The following NBEAL1 variants were observed in gnomAD, a reference collection of about 807,000 sequenced individuals.
The protein encoded by NBEAL1 is neurobeachin-like protein 1.
Under a neutral mutation model 351.3 loss-of-function variants are expected in NBEAL1, and 273 were observed. The observed-to-expected ratio is 0.78, with a 90% CI of 0.70 to 0.86. The LOEUF (loss-of-function observed/expected upper bound fraction) is 0.86. Ranked by LOEUF, NBEAL1 falls within the 40% of genes least tolerant of loss-of-function variation. The pLI is 0.00. For missense variants in NBEAL1, 2,961 were observed against 3,201.3 expected (o/e 0.92, Z 1.81); for synonymous variants, 1,050 against 1,086.4 (o/e 0.97, Z 0.66).
intron 8 of NBEAL1, among the ~76,000 whole-genome samples, chr2:203,081,730 A>C (rs1017450967): frequency 6.6e-6 from 1 of 152,192 alleles, no homozygotes; most frequent in Non-Finnish European, 1.5e-5. Flanking sequence ...AGTTCTGGCC[A>C]TTATGTTCAC....
At chr2:203,107,395 G>A in intron 12 of NBEAL1, 25 bp from the exon 13 acceptor site, 1 of 1,183,782 alleles carries the variant, frequency 8.4e-7, no homozygotes, top group Non-Finnish European at 1.2e-6. Context: ...AATGTACTTT[G>A]ATATATTGTC....
At chr2:203,149,546 A>G (rs2063597734) in intron 34 of NBEAL1, among the ~76,000 whole-genome samples, 1 of 152,020 alleles carries the variant, frequency 6.6e-6, no homozygotes, top group African/African-American at 2.4e-5. Flanking sequence ...TTTTTTTTAT[A>G]CAGCCCTTTT....
chr2:203,175,723 G>A (rs997495972), intron 42 of NBEAL1, among the ~76,000 whole-genome samples: 14 of 152,078 alleles, frequency 9.2e-5, no homozygotes, highest in African/African-American at 3.1e-4. Flanking sequence ...TTACACTGTG[G>A]GTATTATAAC....
intron 29 of NBEAL1, among the ~76,000 whole-genome samples, chr2:203,137,283 AT>A (rs954840021): frequency 2.6e-5 from 4 of 152,138 alleles, no homozygotes; most frequent in African/African-American, 2.4e-5. Flanking sequence ...TTTTTTTGTG[AT>A]TTTTTTAAGC....
Position 203,083,294 on chromosome 2 carries a change from G to A in NBEAL1, c.760G>A (p.Glu254Lys), listed in dbSNP as rs2061904889. 1 of 1,552,824 alleles carries A rather than the reference G, an allele frequency of 6.4e-7. No homozygotes were observed. Among genetic ancestry groups the A allele is most frequent in the Admixed American group, 2.0e-5 (1 of 50,974 alleles). The stretch of plus-strand genomic sequence containing the variant: ...AGTATTGGCAGATTGTGATTCCTGG[G>A]AGGATGGAGATCCTGAAGAAGTGGG... ...MRVLADCDSW[E>K]DGDPEEVGRK... The change falls in exon 9 of 56, where the codon GAG becomes AAG. Residue 254 changes from glutamate (E) to lysine (K), a missense_variant. Physicochemically the swap from Glu to Lys is moderately conservative, Grantham distance 56. Coordinates refer to ENST00000683969, the MANE Select transcript of NBEAL1 (RefSeq NM_001378026.1).
intron 6 of NBEAL1, chr2:203,061,356 T>G (rs1056131409): frequency 6.6e-6 from 1 of 152,276 alleles, no homozygotes; most frequent in African/African-American, 2.4e-5. Context: ...CTAATAGAAC[T>G]AGAACATCTG....
In NBEAL1 at chr2:203,097,603, C is replaced by T. The variant is rs2062210351; in HGVS notation, c.1155C>T (p.Asn385=). ...ACAAGAACGAGAAAGACCTTGCCAACAAATTACTGACAGAAATGAATGAGG... is the reference window on the plus strand; with the variant it reads ...ACAAGAACGAGAAAGACCTTGCCAATAAATTACTGACAGAAATGAATGAGG... The part of the protein sequence containing the change: ...VADKNEKDLA[N]KLLTEMNEDQ... Residue 385 remains asparagine, a synonymous_variant, in exon 11 of 56, where the codon AAC becomes AAT. Transcript: ENST00000683969. The T allele has an allele frequency of 1.0e-6, 1 of 985,682 alleles. No homozygotes were observed. Among genetic ancestry groups the T allele is most frequent in the South Asian group, 4.7e-5 (1 of 21,278 alleles). The allele number at this position is 985,682 out of a possible 1,614,324, so 61.1% of individuals were successfully genotyped here.
rs762981299 is a variant in NBEAL1, at chr2:203,201,671, CACTT to C, written c.7370_7373del (p.Leu2457GlnfsTer16). The C allele has an allele frequency of 6.2e-7, 1 of 1,608,834 alleles. No homozygotes were observed. Among genetic ancestry groups the C allele is most frequent in the Non-Finnish European group, 8.5e-7 (1 of 1,177,154 alleles). On this transcript the variant is annotated frameshift_variant, in exon 50 of 56. Coordinates refer to ENST00000683969, the MANE Select transcript of NBEAL1 (RefSeq NM_001378026.1). LOFTEE classifies it high-confidence loss of function. ...TGGGATAATAGCATTCAAGTGATGTCACTTACAAAAGGCAAAATTATCTCACACA... is the reference window on the plus strand; with the variant it reads ...TGGGATAATAGCATTCAAGTGATGTCACAAAAGGCAAAATTATCTCACACA...
At chr2:203,106,360 A>C (rs1461540676) in intron 12 of NBEAL1, among the ~76,000 whole-genome samples, 1 of 152,216 alleles carries the variant, frequency 6.6e-6, no homozygotes, top group Non-Finnish European at 1.5e-5. Context: ...GGTTTGTGTT[A>C]GGAGACTCTA....
chr2:203,070,826 G>A (rs561742068), intron 7 of NBEAL1, among the ~76,000 whole-genome samples: 1 of 152,278 alleles, frequency 6.6e-6, no homozygotes, highest in East Asian at 1.9e-4. Flanking sequence ...CCGCCCCTAT[G>A]ATCCAGTCAT....
In NBEAL1 at chr2:203,113,007, G is replaced by A. The variant is rs1482006599; in HGVS notation, c.2203-8G>A. 2 of 1,432,780 alleles carry A rather than the reference G, an allele frequency of 1.4e-6. No homozygotes were observed. The highest frequency in any genetic ancestry group is 6.1e-5 in the Admixed American group (2 of 32,676). 88.8% of individuals were successfully genotyped at this position (1,432,780 alleles called of 1,614,324 possible). On this transcript the variant is annotated splice_polypyrimidine_tract_variant and splice_region_variant and intron_variant, in intron 16 of 55. Coordinates refer to ENST00000683969, the MANE Select transcript of NBEAL1 (RefSeq NM_001378026.1). ...TTAAAATTGTGTAATTTGTTTGTTTGTTTTTAGCCCTTTACTTCCTGTTGC... is the reference window on the plus strand; with the variant it reads ...TTAAAATTGTGTAATTTGTTTGTTTATTTTTAGCCCTTTACTTCCTGTTGC...
chr2:203,103,583 T>C (rs925054209), intron 12 of NBEAL1, among the ~76,000 whole-genome samples: 9 of 152,178 alleles, frequency 5.9e-5, no homozygotes, highest in Admixed American at 5.9e-4. Context: ...ATCTTTCGTA[T>C]GGTTTTTGAT....
intron 25 of NBEAL1, among the ~76,000 whole-genome samples, 188 bp from the exon 26 acceptor site, chr2:203,131,780 ATAAGT>A (rs902913908): frequency 6.6e-6 from 1 of 152,214 alleles, no homozygotes; most frequent in Non-Finnish European, 1.5e-5. Context: ...GTTTTATTCT[ATAAGT>A]TAATAGCATT....
At chr2:203,153,583 T>G (rs943569215) in intron 35 of NBEAL1, among the ~76,000 whole-genome samples, 15 of 152,150 alleles carry the variant, frequency 9.9e-5, no homozygotes, top group Admixed American at 5.9e-4. Context: ...TTTCCTTAAT[T>G]CAAAATAATG....
At chr2:203,127,668 G>T in intron 23 of NBEAL1, 113 bp from the exon 24 acceptor site, 1 of 565,188 alleles carries the variant, frequency 1.8e-6, no homozygotes, top group Middle Eastern at 5.6e-4. Flanking sequence ...GTTGCAGTGA[G>T]CCAAGATTGT....
rs1293605348 is a variant in NBEAL1, at chr2:203,125,510, A to G, written c.2841A>G (p.Thr947=). 4.0e-6 allele frequency: 6 copies of G among 1,494,348 alleles called. No individual in the cohort carries two copies. The highest frequency in any genetic ancestry group is 4.5e-6 in the Non-Finnish European group (5 of 1,123,186). The allele number at this position is 1,494,348 out of a possible 1,614,324, so 92.6% of individuals were successfully genotyped here. ...VEGDWLVWTS[T]KASESRLERN... is the part of the protein sequence containing the mutation. Reference sequence around the variant, plus strand: ...GAGATTGGCTCGTATGGACTTCCACAAAGGCCTCAGGTATTAAGATGAAAT... The same window carrying G: ...GAGATTGGCTCGTATGGACTTCCACGAAGGCCTCAGGTATTAAGATGAAAT... Residue 947 remains threonine (T), a synonymous_variant, in exon 20 of 56, where the codon ACA becomes ACG. Coordinates refer to ENST00000683969, the MANE Select transcript of NBEAL1 (RefSeq NM_001378026.1).
rs1167839818 is a variant in NBEAL1 at position 203,151,471 on chromosome 2, G to A, written c.5469G>A (p.Gln1823=). Residue 1823 remains glutamine (Q), a synonymous_variant, in exon 35 of 56, where the codon CAG becomes CAA. Transcript: ENST00000683969. ...TGCTTATGAATATTCTTAGGAAACA[G>A]AATCCAATTCACTGGAAGCTAGCTA... ...CERGPWAKRK[Q]NPIHWKLANV... 3.2e-6 allele frequency: 5 copies of A among 1,587,102 alleles called. No homozygotes were observed. The highest frequency in any genetic ancestry group is 4.3e-6 in the Non-Finnish European group (5 of 1,168,090).
At chr2:203,128,067 T>G (rs1353968926) in intron 24 of NBEAL1, 130 bp downstream of exon 24, 1 of 663,100 alleles carries the variant, frequency 1.5e-6, no homozygotes, top group African/African-American at 1.9e-5. Flanking sequence ...TTCAATATTA[T>G]GCACTTAAGA....
chr2:203,110,354 A>ACAG (rs2062538767), intron 15 of NBEAL1, 72 bp downstream of exon 15: 1 of 1,468,730 alleles, frequency 6.8e-7, no homozygotes, highest in South Asian at 1.3e-5. Context: ...CATAAATTCA[A>ACAG]CAGCAGTCAT....
Sources: gnomAD v4.1 joint callset for allele counts (sites outside exome capture counted in the v4.1 genomes callset) on GRCh38, gnomAD v4.1.1 for gene constraint, MANE v1.5 for transcripts, NCBI Gene and HGNC (gene_info 2026-07-23, HGNC 2026-07-21) for gene names.